The following FAM107B variants were observed in gnomAD, a reference collection of about 807,000 sequenced individuals.
FAM107B encodes protein FAM107B.
A neutral mutation model predicts 31.5 loss-of-function variants in FAM107B; 21 were observed. The observed-to-expected ratio is 0.67, with a 90% confidence interval of 0.47 to 0.96. The LOEUF (loss-of-function observed/expected upper bound fraction) is 0.96, where lower values mean the gene tolerates loss of function less well. FAM107B is among the 40% of genes least tolerant of loss of function. The pLI is 0.00. For missense variants in FAM107B, 452 were observed against 377.1 expected, an observed-to-expected ratio of 1.20 and a Z score of -1.64; for synonymous variants, 157 against 141.5, an observed-to-expected ratio of 1.11 and a Z score of -0.78.
intron 2 of FAM107B, chr10:14,663,567 C>T (rs1564618431): frequency 6.6e-6 from 1 of 152,168 alleles, no homozygotes; most frequent in South Asian, 2.1e-4. Context: ...TGACAGCAAA[C>T]CACAATGCAT....
intron 2 of FAM107B, among the ~76,000 whole-genome samples, chr10:14,549,760 C>G (rs547371257): frequency 6.6e-6 from 1 of 152,220 alleles, no homozygotes; most frequent in South Asian, 2.1e-4. Context: ...ACACCCAAAC[C>G]CAGAAACTCG....
chr10:14,558,593 T>C (rs1849921663), intron 2 of FAM107B, among the ~76,000 whole-genome samples: 3 of 151,480 alleles, frequency 2.0e-5, no homozygotes, highest in Admixed American at 2.0e-4. Context: ...GATCTTGATT[T>C]TTTTTTTTAA....
intron 2 of FAM107B, among the ~76,000 whole-genome samples, chr10:14,558,957 AT>A (rs141340193): frequency 6.6e-6 from 1 of 152,166 alleles, no homozygotes; most frequent in African/African-American, 2.4e-5. Context: ...GAGTAACAGA[AT>A]TATACATCCT....
chr10:14,767,463 T>C (rs559751800), intron 1 of FAM107B, among the ~76,000 whole-genome samples: 1 of 152,014 alleles, frequency 6.6e-6, no homozygotes, highest in Admixed American at 6.6e-5. Flanking sequence ...ATTAAAAAGA[T>C]TACACCGTGA....
chr10:14,746,400 G>C lies in FAM107B; in HGVS notation c.411+27853C>G, dbSNP rs146842757. The stretch of plus-strand genomic sequence containing the variant: ...TTGCTTCATAGTGTCACTGTTCTTT[G>C]TATTTCAGTGAGTTTTTGCAGTGGC... On this transcript the variant is annotated intron_variant, in intron 1 of 4. Coordinates refer to ENST00000181796, the MANE Select transcript of FAM107B (RefSeq NM_031453.4). Among the ~76,000 whole-genome samples the C allele has an allele frequency of 7.4e-3, 1,133 of 152,204 alleles. 13 individuals carry two copies. Among genetic ancestry groups the C allele is most frequent in the African/African-American group, 0.026 (1,078 of 41,530 alleles).
At chr10:14,720,289 T>C (rs931124808) in intron 1 of FAM107B, among the ~76,000 whole-genome samples, 1 of 152,170 alleles carries the variant, frequency 6.6e-6, no homozygotes, top group Admixed American at 6.5e-5. Context: ...AATCTCACTC[T>C]GTCACCCAGG....
intron 1 of FAM107B, among the ~76,000 whole-genome samples, chr10:14,757,750 C>T (rs1832958983): frequency 6.6e-6 from 1 of 152,204 alleles, no homozygotes; most frequent in African/African-American, 2.4e-5. Context: ...GCAGGCAGGG[C>T]CTTTTTCTCA....
intron 3 of FAM107B, among the ~76,000 whole-genome samples, chr10:14,525,643 T>G (rs940192091): frequency 6.6e-6 from 1 of 152,200 alleles, no homozygotes; most frequent in Non-Finnish European, 1.5e-5. Flanking sequence ...TATACCCATA[T>G]AAACATGCCA....
intron 2 of FAM107B, among the ~76,000 whole-genome samples, chr10:14,539,254 C>T (rs761491001): frequency 3.9e-5 from 6 of 152,194 alleles, no homozygotes; most frequent in Non-Finnish European, 8.8e-5. Flanking sequence ...ATGACTGGAG[C>T]AGGATCTCAG....
chr10:14,766,002 C>T (rs1286929720), intron 1 of FAM107B, among the ~76,000 whole-genome samples: 1 of 152,092 alleles, frequency 6.6e-6, no homozygotes, highest in East Asian at 1.9e-4. Context: ...TAATAGGCTT[C>T]CAAGCAGCAC....
At chr10:14,626,646 G>A (rs1362152264) in intron 2 of FAM107B, among the ~76,000 whole-genome samples, 2 of 152,076 alleles carry the variant, frequency 1.3e-5, no homozygotes, top group Non-Finnish European at 2.9e-5. Flanking sequence ...CGGGACTACA[G>A]GCGCCCGCCA....
chr10:14,607,841 A>G (rs10906714), intron 2 of FAM107B, among the ~76,000 whole-genome samples: 34,952 of 152,136 alleles, frequency 0.23, 4,610 homozygotes, highest in East Asian at 0.4. Flanking sequence ...TTAACCCATC[A>G]CTGGTGATAG....
chr10:14,697,996 G>A (rs566700183), intron 1 of FAM107B, among the ~76,000 whole-genome samples: 96 of 152,100 alleles, frequency 6.3e-4, no homozygotes, highest in Middle Eastern at 6.8e-3. Flanking sequence ...TAGGTGGCAC[G>A]TGCCTGTAGT....
chr10:14,681,109 C>T (rs35748092), intron 1 of FAM107B, among the ~76,000 whole-genome samples: 56,072 of 152,074 alleles, frequency 0.37, 11,339 homozygotes, highest in Non-Finnish European at 0.46. Context: ...TAAGTAGCTA[C>T]AGCAAAAGAC....
intron 2 of FAM107B, among the ~76,000 whole-genome samples, chr10:14,629,120 T>C (rs1223967280): frequency 6.8e-6 from 1 of 147,100 alleles, no homozygotes; most frequent in Non-Finnish European, 1.5e-5. Context: ...ATGAAAGCAA[T>C]TTAAGATGTT....
At chr10:14,603,308 T>C (rs1031531896) in intron 2 of FAM107B, among the ~76,000 whole-genome samples, 4 of 152,152 alleles carry the variant, frequency 2.6e-5, no homozygotes, top group Admixed American at 1.3e-4. Context: ...AGAAAACCGA[T>C]GTACTTGATA....
intron 2 of FAM107B, among the ~76,000 whole-genome samples, chr10:14,544,248 G>A (rs12257150): frequency 9.9e-4 from 151 of 152,248 alleles, no homozygotes; most frequent in African/African-American, 3.5e-3. Flanking sequence ...CACCCATACC[G>A]TATACGATAA....
chr10:14,706,217 T>G (rs1209453387), intron 1 of FAM107B, among the ~76,000 whole-genome samples: 2 of 152,198 alleles, frequency 1.3e-5, no homozygotes, highest in Non-Finnish European at 2.9e-5. Context: ...CTTGTTCTAT[T>G]TTATTTTAAG....
At chr10:14,603,001 A>G (rs924535919) in intron 2 of FAM107B, among the ~76,000 whole-genome samples, 11 of 112,820 alleles carry the variant, frequency 9.8e-5, no homozygotes, top group Admixed American at 2.6e-4. Flanking sequence ...CCTCTTTCCC[A>G]CACACACACA....
Sources: allele counts gnomAD v4.1 joint callset (sites outside exome capture counted in the v4.1 genomes callset), GRCh38; gene constraint gnomAD v4.1.1; transcripts MANE v1.5; gene names NCBI Gene and HGNC (gene_info 2026-07-23, HGNC 2026-07-21).